PDCD6IP: variants seen among roughly 807,000 people sequenced by gnomAD.
PDCD6IP encodes programmed cell death 6-interacting protein.
Under a neutral mutation model 103.7 loss-of-function variants are expected in PDCD6IP, and 43 were observed. The observed-to-expected ratio is 0.41, with a 90% CI of 0.32 to 0.53. The LOEUF is 0.53. PDCD6IP is among the 20% of genes least tolerant of loss of function. The pLI, the probability that PDCD6IP is intolerant of heterozygous loss-of-function variation, is 0.16. For missense variants in PDCD6IP, 871 were observed against 1,036.7 expected (o/e 0.84, Z 2.20); for synonymous variants, 354 against 378.7 (o/e 0.93, Z 0.76).
At chr3:33,820,412 A>C (rs1205509912) in intron 3 of PDCD6IP, among the ~76,000 whole-genome samples, 1 of 152,228 alleles carries the variant, frequency 6.6e-6, no homozygotes, top group African/African-American at 2.4e-5. Context: ...GCATTTAAAA[A>C]AAATTTCACA....
intron 17 of PDCD6IP, 102 bp downstream of exon 17, chr3:33,865,532 A>G (rs1698045514): frequency 7.0e-6 from 6 of 858,036 alleles, no homozygotes; most frequent in South Asian, 3.7e-5. Context: ...TGGAGGTGTC[A>G]TGAATGAATA....
At chr3:33,805,371 T>G (rs556301564) in intron 1 of PDCD6IP, among the ~76,000 whole-genome samples, 1 of 148,174 alleles carries the variant, frequency 6.7e-6, no homozygotes, top group Non-Finnish European at 1.5e-5. Context: ...AAAAAAAAAA[T>G]TTTTTTTTCC....
At chr3:33,799,016 C>T (rs1408132622) in intron 1 of PDCD6IP, 79 bp downstream of exon 1, 1 of 1,307,766 alleles carries the variant, frequency 7.6e-7, no homozygotes, top group East Asian at 2.5e-5. Context: ...CCCCTTCCTT[C>T]AATCCTGTAA....
chr3:33,863,826 G>T (rs1295648571), intron 15 of PDCD6IP, 180 bp from the exon 16 acceptor site: 11 of 561,052 alleles, frequency 2.0e-5, no homozygotes, highest in Non-Finnish European at 2.5e-5. Flanking sequence ...GTTTTTTGAG[G>T]GACCTCCATA....
chr3:33,801,240 T>C (rs774371074), intron 1 of PDCD6IP, among the ~76,000 whole-genome samples: 3 of 152,194 alleles, frequency 2.0e-5, no homozygotes, highest in Non-Finnish European at 2.9e-5. Flanking sequence ...CGGCAGAATA[T>C]CTTATTTTTA....
At chr3:33,811,008 C>T (rs9874203) in intron 1 of PDCD6IP, 99,455 of 334,296 alleles carry the variant, frequency 0.3, 15,800 homozygotes, top group Admixed American at 0.45. Context: ...ACCTCAGCCT[C>T]ATGAGTAGCT....
chr3:33,828,270 T>TA (rs1163072732), intron 6 of PDCD6IP, among the ~76,000 whole-genome samples: 1 of 152,186 alleles, frequency 6.6e-6, no homozygotes, highest in African/African-American at 2.4e-5. Context: ...ACTGAAATAT[T>TA]AGTGTATCTA....
At chr3:33,824,124 A>G (rs1008567657) in intron 4 of PDCD6IP, among the ~76,000 whole-genome samples, 1 of 152,216 alleles carries the variant, frequency 6.6e-6, no homozygotes, top group Non-Finnish European at 1.5e-5. Context: ...TTTACTGAAC[A>G]AGTTCAGTTG....
At chr3:33,838,121 T>G in intron 8 of PDCD6IP, 83 bp from the exon 9 acceptor site, 1 of 1,237,756 alleles carries the variant, frequency 8.1e-7, no homozygotes, top group Non-Finnish European at 1.2e-6. Flanking sequence ...TATGTGAATA[T>G]TGGAAAGAAA....
intron 14 of PDCD6IP, chr3:33,854,696 G>A (rs1338988158): frequency 6.6e-6 from 1 of 152,494 alleles, no homozygotes; most frequent in Admixed American, 6.5e-5. Flanking sequence ...CAAATAGAGA[G>A]GATAGTAAAA....
At chr3:33,860,428 G>A (rs1183975085) in intron 15 of PDCD6IP, among the ~76,000 whole-genome samples, 1 of 152,188 alleles carries the variant, frequency 6.6e-6, no homozygotes, top group African/African-American at 2.4e-5. Context: ...ATACATAAGT[G>A]TGTATCTTGT....
At chr3:33,807,015 A>C (rs946968656) in intron 1 of PDCD6IP, among the ~76,000 whole-genome samples, 1 of 152,138 alleles carries the variant, frequency 6.6e-6, no homozygotes, top group African/African-American at 2.4e-5. Context: ...AATCTGTCCT[A>C]AGATAGCCAT....
intron 15 of PDCD6IP, among the ~76,000 whole-genome samples, chr3:33,861,156 T>C (rs1697943325): frequency 6.6e-6 from 1 of 152,084 alleles, no homozygotes; most frequent in South Asian, 2.1e-4. Context: ...TATTTTTTTT[T>C]TTTTGTGAGA....
intron 16 of PDCD6IP, among the ~76,000 whole-genome samples, chr3:33,864,361 A>G (rs1486849132): frequency 6.6e-6 from 1 of 152,256 alleles, no homozygotes; most frequent in Non-Finnish European, 1.5e-5. Flanking sequence ...TTTATAGCAA[A>G]TAAAACAAAT....
Position 33,844,233 on chromosome 3 carries a change from T to C in PDCD6IP, c.1471+10T>C, listed in dbSNP as rs778432040. The C allele has an allele frequency of 4.5e-5, 64 of 1,409,770 alleles. No homozygotes were observed. The highest frequency in any genetic ancestry group is 5.9e-5 in the Non-Finnish European group (62 of 1,046,096). 87.3% of individuals were successfully genotyped at this position (1,409,770 alleles called of 1,614,324 possible). On this transcript the variant is annotated intron_variant, in intron 11 of 17. Coordinates refer to ENST00000307296, the MANE Select transcript of PDCD6IP (RefSeq NM_013374.6). ...AAGCCTTTAAGAGCAGGTAAAAATGTGTATAAATGACCTTCATTTGAATAA... is the reference window on the plus strand; with the variant it reads ...AAGCCTTTAAGAGCAGGTAAAAATGCGTATAAATGACCTTCATTTGAATAA...
At chr3:33,799,102 C>T (rs1471096636) in intron 1 of PDCD6IP, 165 bp downstream of exon 1, 5 of 692,508 alleles carry the variant, frequency 7.2e-6, no homozygotes, top group Non-Finnish European at 9.5e-6. Flanking sequence ...TGAGCAGGAC[C>T]CGCCCTGCAG....
intron 1 of PDCD6IP, among the ~76,000 whole-genome samples, chr3:33,806,078 A>G (rs1462719936): frequency 6.6e-6 from 1 of 152,010 alleles, no homozygotes; most frequent in East Asian, 1.9e-4. Flanking sequence ...TTTGTCCTGT[A>G]CCTATTTGTG....
At chr3:33,823,801 T>C (rs1697049012) in intron 4 of PDCD6IP, among the ~76,000 whole-genome samples, 1 of 152,044 alleles carries the variant, frequency 6.6e-6, no homozygotes, top group Admixed American at 6.6e-5. Context: ...TAAAATAAAA[T>C]ACAGTAGTGA....
At chr3:33,839,943 G>T (rs1697432802) in intron 9 of PDCD6IP, among the ~76,000 whole-genome samples, 1 of 152,112 alleles carries the variant, frequency 6.6e-6, no homozygotes, top group South Asian at 2.1e-4. Flanking sequence ...TTTTAAAAGT[G>T]AGTTTTTCTT....
Sources: allele counts gnomAD v4.1 joint callset (sites outside exome capture counted in the v4.1 genomes callset), GRCh38; gene constraint gnomAD v4.1.1; transcripts MANE v1.5; gene names NCBI Gene and HGNC (gene_info 2026-07-23, HGNC 2026-07-21).